Variants in NFX1 observed in about 807,000 individuals in gnomAD.
The protein encoded by NFX1 is nuclear transcription factor, X-box binding 1.
NFX1 carries 69 observed loss-of-function variants against 137.2 expected under a neutral mutation model. The observed-to-expected ratio is 0.50, with a 90% CI of 0.41 to 0.61. The LOEUF is 0.61. Ranked by LOEUF, NFX1 falls within the 20% of genes least tolerant of loss-of-function variation. NFX1 has a pLI of 0.00. For missense variants in NFX1, 1,167 were observed against 1,391.0 expected (o/e 0.84, Z 2.56); for synonymous variants, 495 against 474.1 (o/e 1.04, Z -0.57).
intron 11 of NFX1, among the ~76,000 whole-genome samples, chr9:33,335,794 AAT>A (rs1436810213): frequency 1.3e-5 from 2 of 152,186 alleles, no homozygotes; most frequent in Non-Finnish European, 2.9e-5. Context: ...ATGGAGTCAC[AAT>A]ATATATTCTT....
intron 15 of NFX1, among the ~76,000 whole-genome samples, chr9:33,350,847 C>T (rs971124174): frequency 4.6e-5 from 7 of 152,124 alleles, no homozygotes; most frequent in African/African-American, 1.7e-4. Context: ...TAATAATAAT[C>T]CTTATTTTAA....
At chr9:33,342,910 A>C in intron 13 of NFX1, 56 bp downstream of exon 13, 1 of 1,135,740 alleles carries the variant, frequency 8.8e-7, no homozygotes, top group Non-Finnish European at 1.3e-6. Flanking sequence ...TTCAGACATA[A>C]TATACTTTGA....
intron 7 of NFX1, 85 bp downstream of exon 7, chr9:33,313,878 G>A (rs921666989): frequency 1.4e-6 from 2 of 1,424,588 alleles, no homozygotes; most frequent in Admixed American, 1.8e-5. Context: ...TTTGATTGGT[G>A]TCAGACTTTT....
intron 21 of NFX1, 49 bp downstream of exon 21, chr9:33,364,823 GAAA>G (rs369528056): frequency 4.1e-6 from 5 of 1,228,044 alleles, no homozygotes; most frequent in Non-Finnish European, 4.4e-6. Flanking sequence ...CCAGCTTGAT[GAAA>G]AAAAAAAAGC....
chr9:33,344,415 G>A (rs1823337413), intron 14 of NFX1, among the ~76,000 whole-genome samples: 2 of 152,086 alleles, frequency 1.3e-5, no homozygotes, highest in Non-Finnish European at 1.5e-5. Flanking sequence ...TAAAAACGTT[G>A]GAAGACTCCC....
At chr9:33,294,317 A>G (rs1010389259) in intron 1 of NFX1, 103 bp from the exon 2 acceptor site, 33 of 1,092,816 alleles carry the variant, frequency 3.0e-5, no homozygotes, top group African/African-American at 7.9e-5. Context: ...CATGTTTTAT[A>G]CAAAGTTCTA....
chr9:33,299,849 G>A (rs1252294736), intron 2 of NFX1, among the ~76,000 whole-genome samples: 1 of 152,142 alleles, frequency 6.6e-6, no homozygotes, highest in African/African-American at 2.4e-5. Flanking sequence ...TTCAGTCTCA[G>A]GGTGTTCTCT....
intron 9 of NFX1, among the ~76,000 whole-genome samples, chr9:33,327,695 A>G (rs191666376): frequency 1.3e-5 from 2 of 152,264 alleles, no homozygotes; most frequent in Non-Finnish European, 2.9e-5. Flanking sequence ...CAAAGATACA[A>G]TGAGGCTGAA....
intron 6 of NFX1, among the ~76,000 whole-genome samples, chr9:33,312,126 A>G (rs1363633632): frequency 6.6e-6 from 1 of 152,220 alleles, no homozygotes; most frequent in South Asian, 2.1e-4. Context: ...TTTGAACCAC[A>G]GGATGAGATG....
intron 1 of NFX1, among the ~76,000 whole-genome samples, chr9:33,292,494 G>T (rs796253452): frequency 2.0e-4 from 31 of 152,254 alleles, no homozygotes; most frequent in African/African-American, 7.2e-4. Context: ...TGGATTTAGG[G>T]TACCACTTGT....
intron 17 of NFX1, among the ~76,000 whole-genome samples, chr9:33,353,683 C>CTTTTT (rs111306917): frequency 1.0e-4 from 11 of 110,076 alleles, no homozygotes; most frequent in Non-Finnish European, 1.3e-4. Context: ...GATAGATTTG[C>CTTTTT]TTTTTTTTTT....
intron 5 of NFX1, among the ~76,000 whole-genome samples, chr9:33,307,780 T>G (rs559533283): frequency 6.4e-5 from 9 of 140,810 alleles, no homozygotes; most frequent in African/African-American, 2.5e-4. Flanking sequence ...GTCAATCTTT[T>G]TCTTTCTTTC....
chr9:33,338,413 A>G (rs915893358), intron 11 of NFX1, 97 bp from the exon 12 acceptor site: 20 of 1,039,706 alleles, frequency 1.9e-5, no homozygotes, highest in African/African-American at 4.9e-5. Flanking sequence ...TATTATTACT[A>G]TTGTATTCTT....
At chr9:33,337,851 C>T (rs1442220057) in intron 11 of NFX1, among the ~76,000 whole-genome samples, 1 of 152,108 alleles carries the variant, frequency 6.6e-6, no homozygotes, top group African/African-American at 2.4e-5. Context: ...GTGTTCAAGA[C>T]CAGCCTGGCC....
At chr9:33,345,198 C>T (rs957373571) in intron 14 of NFX1, among the ~76,000 whole-genome samples, 17 of 150,936 alleles carry the variant, frequency 1.1e-4, no homozygotes, top group Non-Finnish European at 8.8e-5. Context: ...AAAAAAAGGC[C>T]GGGTGCAGTG....
At chr9:33,315,225 C>T (rs1305136664) in intron 7 of NFX1, among the ~76,000 whole-genome samples, 2 of 90,856 alleles carry the variant, frequency 2.2e-5, no homozygotes, top group East Asian at 6.8e-4. Context: ...AACTCTGTCT[C>T]AAAAAAAAAA....
At chr9:33,367,237 G>A (rs1391782096) in intron 22 of NFX1, among the ~76,000 whole-genome samples, 1 of 152,196 alleles carries the variant, frequency 6.6e-6, no homozygotes, top group Non-Finnish European at 1.5e-5. Flanking sequence ...ACCAGGAGGG[G>A]ACAGGGAGGA....
chr9:33,361,785 C>T lies in NFX1; in HGVS notation c.2874-2225C>T, dbSNP rs201584506. 1.1e-4 allele frequency among the ~76,000 whole-genome samples: 17 copies of T among 148,930 alleles called. No homozygotes were observed. The East Asian group carries it at 3.0e-3, about 26-fold the overall frequency. ...CAGCCTGGGCGACAAGAGCAAGACT[C>T]CATCTCCAAAAATATATATATATAC... On this transcript the variant is annotated intron_variant, in intron 19 of 23. Coordinates refer to ENST00000379540, the MANE Select transcript of NFX1 (RefSeq NM_002504.6).
chr9:33,355,213 C>T (rs902546981), intron 19 of NFX1, among the ~76,000 whole-genome samples: 4 of 152,120 alleles, frequency 2.6e-5, no homozygotes, highest in African/African-American at 9.7e-5. Context: ...GTTAACTTTT[C>T]GTTGAAGTTT....
Sources: gnomAD v4.1 joint callset for allele counts (sites outside exome capture counted in the v4.1 genomes callset) on GRCh38, gnomAD v4.1.1 for gene constraint, MANE v1.5 for transcripts, NCBI Gene and HGNC (gene_info 2026-07-23, HGNC 2026-07-21) for gene names.